The following CPSF1 variants were observed in gnomAD, a reference collection of about 807,000 sequenced individuals.
CPSF1 encodes cleavage and polyadenylation specific factor 1.
CPSF1 carries 106 observed loss-of-function variants against 175.8 expected under a neutral mutation model. The ratio of observed to expected loss-of-function variants is 0.60; its 90% CI spans 0.52 to 0.71. The LOEUF (loss-of-function observed/expected upper bound fraction) is 0.71, where lower values mean the gene tolerates loss of function less well. CPSF1 is among the 30% of genes least tolerant of loss of function. CPSF1 has a pLI of 0.00. For synonymous variants in CPSF1, 1,024 were observed against 858.3 expected (o/e 1.19, Z -3.37); for missense variants, 1,734 against 2,022.9 (o/e 0.86, Z 2.74).
At position 144,395,428 on chromosome 8, in the gene CPSF1, G is replaced by A. The variant is rs200700231; in HGVS notation, c.3096+7C>T. The A allele has an allele frequency of 8.5e-5, 137 of 1,612,922 alleles. No individual in the cohort carries two copies. In the East Asian group the frequency reaches 2.7e-3, roughly 32 times the overall value. Reference sequence around the variant, plus strand: ...AGGTCCCTGGTGGGGTGGGGGTGGGGGCAGACCTTAGACTCCACGTGGTAA... The same window carrying A: ...AGGTCCCTGGTGGGGTGGGGGTGGGAGCAGACCTTAGACTCCACGTGGTAA... On this transcript the variant is annotated splice_region_variant and intron_variant, in intron 27 of 37. Transcript: ENST00000616140.
rs2116855096 is a variant in CPSF1, at chr8:144,398,799, C to T, written c.1618G>A (p.Ala540Thr). ...CCTACCTCCTCCTTACGCACCGGGG[C>T]GATGACTGTCCACATGTCATAGCAG... ...PGCYDMWTVI[A>T]PVRKEEEDNP... Residue 540 changes from alanine (A) to threonine (T), a missense_variant, in exon 17 of 38, where the codon GCC becomes ACC. Coordinates refer to ENST00000616140, the MANE Select transcript of CPSF1 (RefSeq NM_013291.3). 9 of 1,603,664 alleles carry T rather than the reference C, an allele frequency of 5.6e-6. No homozygotes were observed. The highest frequency in any genetic ancestry group is 2.7e-5 in the African/African-American group (2 of 74,914).
At chr8:144,395,815 C>G in intron 26 of CPSF1, 3 of 566,778 alleles carry the variant, frequency 5.3e-6, no homozygotes, top group Non-Finnish European at 9.5e-6. Context: ...GCACTGGAGG[C>G]TGCAAAGGGC....
At chr8:144,397,091 G>A in intron 23 of CPSF1, 116 bp downstream of exon 23, 1 of 1,015,332 alleles carries the variant, frequency 9.8e-7, no homozygotes, top group East Asian at 2.8e-5. Context: ...GGAGCCACGG[G>A]AAGGGGCGGG....
chr8:144,400,148 C>CA lies in CPSF1; in HGVS notation c.937+17dup, dbSNP rs2116872569. 2.9e-6 allele frequency: 4 copies of CA among 1,390,240 alleles called. No homozygotes were observed. Among genetic ancestry groups the CA allele is most frequent in the South Asian group, 1.3e-5 (1 of 75,652 alleles). 86.1% of individuals were successfully genotyped at this position (1,390,240 alleles called of 1,614,324 possible). A position where few individuals can be genotyped will look rare whatever the true frequency, so the allele number is the denominator to read the frequency against. Reference sequence around the variant, plus strand: ...AGCCGTCCCCGGGCCCCCCCCGCCCCAGCCACCCCACACTCACGAAGCGGG... The same window carrying CA: ...AGCCGTCCCCGGGCCCCCCCCGCCCCAAGCCACCCCACACTCACGAAGCGGG... On this transcript the variant is annotated intron_variant, in intron 9 of 37. Transcript: ENST00000616140.
chr8:144,407,170 G>A (rs900205800), intron 2 of CPSF1, among the ~76,000 whole-genome samples: 1 of 151,264 alleles, frequency 6.6e-6, no homozygotes, highest in Non-Finnish European at 1.5e-5. Flanking sequence ...TACCTGCCTC[G>A]GCCTCCCAAA....
intron 2 of CPSF1, among the ~76,000 whole-genome samples, chr8:144,404,197 T>G (rs2116897258): frequency 9.9e-5 from 15 of 151,922 alleles, no homozygotes; most frequent in African/African-American, 3.1e-4. Flanking sequence ...CACTCCAGCC[T>G]GGGGGACAAG....
intron 26 of CPSF1, 122 bp from the exon 27 acceptor site, chr8:144,395,673 G>A (rs1221468279): frequency 1.0e-5 from 8 of 785,468 alleles, no homozygotes; most frequent in South Asian, 6.7e-5. Flanking sequence ...GGTGGGTGAG[G>A]GGCAGCTGTG....
chr8:144,394,092 G>A (rs781886905), intron 34 of CPSF1, 21 bp downstream of exon 34: 67 of 1,611,660 alleles, frequency 4.2e-5, no homozygotes, highest in Non-Finnish European at 5.3e-5. Context: ...CCCAGGCAGA[G>A]GGGGTGGAGG....
chr8:144,398,114 A>G lies in CPSF1; in HGVS notation c.1913T>C (p.Ile638Thr). ...LLEGVNQLHF[I>T]PVDLGAPIVQ... ...GATGGGGGCGCCCAGGTCCACGGGGATGAAGTGCAGCTGATTCACTGTAGG... is the reference window on the plus strand; with the variant it reads ...GATGGGGGCGCCCAGGTCCACGGGGGTGAAGTGCAGCTGATTCACTGTAGG... Residue 638 changes from isoleucine (I) to threonine (T), a missense_variant, in exon 20 of 38, where the codon ATC (isoleucine) becomes ACC (threonine). Ile to Thr is a moderately conservative substitution (Grantham distance 89). Coordinates refer to ENST00000616140, the MANE Select transcript of CPSF1 (RefSeq NM_013291.3). The G allele has an allele frequency of 1.3e-6, 2 of 1,587,868 alleles. No homozygotes were observed. Among genetic ancestry groups the G allele is most frequent in the Admixed American group, 1.7e-5 (1 of 57,816 alleles).
At position 144,399,807 on chromosome 8, in the gene CPSF1, C is replaced by T. The variant is rs2116866490; in HGVS notation, c.1093G>A (p.Ala365Thr). The T allele has an allele frequency of 1.3e-6, 2 of 1,562,132 alleles. No individual in the cohort carries two copies. The highest frequency in any genetic ancestry group is 1.7e-6 in the Non-Finnish European group (2 of 1,153,694). Residue 365 changes from alanine (A) to threonine (T), a missense_variant, in exon 11 of 38, where the codon GCG (alanine) becomes ACG (threonine). Physicochemically the swap from Ala to Thr is moderately conservative, Grantham distance 58 (BLOSUM62 0). This residue lies in a region of CPSF1 where 162 missense variants were observed against 169.5 expected (regional missense o/e 0.96). Coordinates refer to ENST00000616140, the MANE Select transcript of CPSF1 (RefSeq NM_013291.3). This position sits in a 1 kb window ranked among gnomAD's most constrained non-coding sequence, Gnocchi z 6.4. Reference sequence around the variant, plus strand: ...CTGGTGGTGAGGACGCTGGCGGCCGCCTTGTCAAAGTGGAACGCTCGGACA... The same window carrying T: ...CTGGTGGTGAGGACGCTGGCGGCCGTCTTGTCAAAGTGGAACGCTCGGACA... ...RSVRAFHFDK[A>T]AASVLTTSMV...
At chr8:144,408,837 C>T (rs1175037979) in intron 2 of CPSF1, among the ~76,000 whole-genome samples, 178 bp downstream of exon 2, 3 of 152,216 alleles carry the variant, frequency 2.0e-5, no homozygotes, top group African/African-American at 7.2e-5. Context: ...AACAGGGTAG[C>T]AGCTGTGAGA....
chr8:144,393,432 G>A lies in CPSF1; in HGVS notation c.4284+20C>T. ...GCACACGGAGGGGCGGGGCGCGCGG[G>A]GGGCGGGGCGCGCACTCACTATGTC... On this transcript the variant is annotated intron_variant, in intron 37 of 37. Transcript: ENST00000616140. The A allele has an allele frequency of 6.5e-7, 1 of 1,536,652 alleles. No individual in the cohort carries two copies. The highest frequency in any genetic ancestry group is 1.2e-5 in the South Asian group (1 of 83,524).
chr8:144,406,286 G>C (rs1314429574), intron 2 of CPSF1, among the ~76,000 whole-genome samples: 1 of 152,152 alleles, frequency 6.6e-6, no homozygotes, highest in African/African-American at 2.4e-5. Context: ...CTCCTCCCCT[G>C]CTGGGCTCTT....
intron 23 of CPSF1, 91 bp from the exon 24 acceptor site, chr8:144,397,020 C>G: frequency 1.4e-6 from 1 of 714,472 alleles, no homozygotes; most frequent in African/African-American, 2.3e-5. Context: ...GGGTAAGGGG[C>G]GGGGCTGAGA....
chr8:144,395,827 GC>G, intron 26 of CPSF1: 3 of 555,844 alleles, frequency 5.4e-6, no homozygotes, highest in Non-Finnish European at 6.5e-6. Context: ...GCAAAGGGCA[GC>G]CCACAGACTG....
chr8:144,394,226 C>T lies in CPSF1; in HGVS notation c.3811+8G>A. The T allele has an allele frequency of 6.2e-7, 1 of 1,607,208 alleles. No homozygotes were observed. The highest frequency in any genetic ancestry group is 2.2e-5 in the East Asian group (1 of 44,768). On this transcript the variant is annotated splice_region_variant and intron_variant, in intron 33 of 37. Coordinates refer to ENST00000616140, the MANE Select transcript of CPSF1 (RefSeq NM_013291.3). The stretch of plus-strand genomic sequence containing the variant: ...GAGCCTCAGCTCCCCAGGGCCCTGC[C>T]CACATACCCAGAAAACCCAGCTGGG...
chr8:144,403,014 C>G (rs1821301931), intron 2 of CPSF1, among the ~76,000 whole-genome samples: 1 of 152,068 alleles, frequency 6.6e-6, no homozygotes, highest in South Asian at 2.1e-4. Flanking sequence ...GGAGAAAAAT[C>G]ATGTCATTTT....
rs560558771 is a variant in CPSF1, at chr8:144,396,307, G to C, written c.2979+41C>G. 6 of 1,552,994 alleles carry C rather than the reference G, an allele frequency of 3.9e-6. No homozygotes were observed. In the East Asian group the frequency reaches 1.2e-4, roughly 30 times the overall value. ...CCCTCCCCCTCAGCCCCCAGCTGGG[G>C]CAGCATCAGCCAGTGCTGCTGGGAA... On this transcript the variant is annotated intron_variant, in intron 26 of 37. Coordinates refer to ENST00000616140, the MANE Select transcript of CPSF1 (RefSeq NM_013291.3).
chr8:144,405,494 G>A (rs1227972827), intron 2 of CPSF1, among the ~76,000 whole-genome samples: 1 of 152,148 alleles, frequency 6.6e-6, no homozygotes, highest in Non-Finnish European at 1.5e-5. Flanking sequence ...TGTGGTGGCA[G>A]GCGCCTGTAA....
Sources: gnomAD v4.1 joint callset for allele counts (sites outside exome capture counted in the v4.1 genomes callset) on GRCh38, gnomAD v4.1.1 for gene constraint, gnomAD v4.1.1 regional missense constraint, Gnocchi (gnomAD v3.1) non-coding constraint, MANE v1.5 for transcripts, NCBI Gene and HGNC (gene_info 2026-07-23, HGNC 2026-07-21) for gene names.